PLXNA2: variants seen among roughly 807,000 people sequenced by gnomAD.
PLXNA2 encodes plexin-A2.
In PLXNA2, 91 loss-of-function variants were observed where a neutral mutation model predicts 193.5. That is an observed-to-expected ratio of 0.47 (90% confidence interval 0.40 to 0.56). The LOEUF is 0.56. Among genes scored for constraint, PLXNA2 ranks in the 20% least tolerant of loss-of-function variants. The pLI is 0.00. For synonymous variants in PLXNA2, 997 were observed against 1,027.3 expected (o/e 0.97, Z 0.56); for missense variants, 1,995 against 2,503.2 (o/e 0.80, Z 4.33).
At chr1:208,174,108 G>C (rs1475688765) in intron 3 of PLXNA2, among the ~76,000 whole-genome samples, 1 of 152,250 alleles carries the variant, frequency 6.6e-6, no homozygotes, top group Non-Finnish European at 1.5e-5. Flanking sequence ...TTGGATCAGA[G>C]GTAGAATCTC....
At chr1:208,220,433 GTTA>G (rs1165066587) in intron 1 of PLXNA2, among the ~76,000 whole-genome samples, 2 of 151,750 alleles carry the variant, frequency 1.3e-5, no homozygotes, top group African/African-American at 4.8e-5. Context: ...GTTAGTTTTT[GTTA>G]TTATTATTAT....
chr1:208,184,489 C>T (rs1669938023), intron 3 of PLXNA2, among the ~76,000 whole-genome samples: 1 of 151,314 alleles, frequency 6.6e-6, no homozygotes, highest in Non-Finnish European at 1.5e-5. Context: ...GGTGTCATTA[C>T]CCTGACTTAC....
Position 208,094,435 on chromosome 1 carries a change from C to CT in PLXNA2, c.1983-1536dup, listed in dbSNP as rs60278693. Reference sequence around the variant, plus strand: ...GAATCTTTGCTGTCAAGGAGACCTGCTTTTTTTTTTTCTGTTAAAACTTGC... The same window carrying CT: ...GAATCTTTGCTGTCAAGGAGACCTGCTTTTTTTTTTTTCTGTTAAAACTTGC... On this transcript the variant is annotated intron_variant, in intron 8 of 31. Transcript: ENST00000367033. Among the ~76,000 whole-genome samples the CT allele has an allele frequency of 4.1e-4, 60 of 147,188 alleles. No homozygotes were observed. The Middle Eastern group carries it at 0.011, about 26-fold the overall frequency.
At position 208,031,734 on chromosome 1, in the gene PLXNA2, T is replaced by G. The variant is rs773411215; in HGVS notation, c.5081A>C (p.Asp1694Ala). The G allele has an allele frequency of 2.5e-6, 4 of 1,606,648 alleles. No individual in the cohort carries two copies. ...AGTGCTGAACAAGGTCTCAAACAAG[T>G]CGTCCACAAACTTCTGCAGGGTGCC... ...TKGTLQKFVD[D>A]LFETLFSTVH... is the part of the protein sequence containing the mutation. Residue 1694 changes from aspartate to alanine, a missense_variant, in exon 29 of 32, where the codon GAC becomes GCC. By Grantham distance (126) the Asp-to-Ala change is moderately radical. Around this residue, in one of 3 missense-constraint regions of PLXNA2, gnomAD observed 1,291 missense variants for 1,673.6 expected, o/e 0.77. Coordinates refer to ENST00000367033, the MANE Select transcript of PLXNA2 (RefSeq NM_025179.4).
In PLXNA2 at chr1:208,051,329, C is replaced by T. The variant is rs1175753605; in HGVS notation, c.3088G>A (p.Asp1030Asn). 6.2e-7 allele frequency: 1 copy of T among 1,613,894 alleles called. No individual in the cohort carries two copies. The highest frequency in any genetic ancestry group is 1.3e-5 in the African/African-American group (1 of 75,024). ...ATGTACTCAAACTGCAGGTTGCTAT[C>T]CACATGGGCTCGGTCGACACTCACA... Reference protein sequence around the residue: ...VSVSVDRAHVDSNLQFEYIDD... With the variant: ...VSVSVDRAHVNSNLQFEYIDD... The change falls in exon 16 of 32, where the codon GAT becomes AAT. Residue 1030 changes from aspartate to asparagine, a missense_variant. This residue lies in a region of PLXNA2 where 1,291 missense variants were observed against 1,673.6 expected (regional missense o/e 0.77). Transcript: ENST00000367033.
At chr1:208,222,145 A>G (rs1031416397) in intron 1 of PLXNA2, among the ~76,000 whole-genome samples, 1 of 152,190 alleles carries the variant, frequency 6.6e-6, no homozygotes, top group African/African-American at 2.4e-5. Flanking sequence ...TCAGTTTGGT[A>G]GACACTGGTA....
rs1362824425 is a variant in PLXNA2 at position 208,082,313 on chromosome 1, T to G, written c.2395+99A>C. 3 of 883,978 alleles carry G rather than the reference T, an allele frequency of 3.4e-6. No individual in the cohort carries two copies. The highest frequency in any genetic ancestry group is 4.0e-5 in the Admixed American group (2 of 50,310). 54.8% of individuals were successfully genotyped at this position (883,978 alleles called of 1,614,324 possible). On this transcript the variant is annotated intron_variant, in intron 11 of 31. Coordinates refer to ENST00000367033, the MANE Select transcript of PLXNA2 (RefSeq NM_025179.4). The surrounding 1 kb of genome is among the most constrained non-coding windows in gnomAD (Gnocchi z 4.2). ...AGTTCCGCCGACAGAGGGAGTGTAT[T>G]ATTCATGGCACAGCGGCTGGCTGGC...
At chr1:208,174,769 T>C (rs1351911681) in intron 3 of PLXNA2, among the ~76,000 whole-genome samples, 1 of 152,174 alleles carries the variant, frequency 6.6e-6, no homozygotes, top group African/African-American at 2.4e-5. Flanking sequence ...ACACTAGCCC[T>C]TAGGCCTTCT....
chr1:208,039,546 T>G lies in PLXNA2; in HGVS notation c.4500+75A>C, dbSNP rs548982196. ...CTCTTTATTGACCCCCTAGACTGCTTTTATGGACAGAAGGCAGAGCAAGGG... is the reference window on the plus strand; with the variant it reads ...CTCTTTATTGACCCCCTAGACTGCTGTTATGGACAGAAGGCAGAGCAAGGG... On this transcript the variant is annotated intron_variant, in intron 24 of 31. Coordinates refer to ENST00000367033, the MANE Select transcript of PLXNA2 (RefSeq NM_025179.4). 4.1e-5 allele frequency: 65 copies of G among 1,590,808 alleles called. No homozygotes were observed. The African/African-American group carries it at 7.2e-4, about 18-fold the overall frequency.
intron 13 of PLXNA2, among the ~76,000 whole-genome samples, chr1:208,059,610 G>C (rs1012611639): frequency 1.3e-5 from 2 of 152,140 alleles, no homozygotes; most frequent in African/African-American, 4.8e-5. Context: ...CTGCATTAGG[G>C]GTCAGGAGAC....
At chr1:208,050,645 C>A (rs945145616) in intron 17 of PLXNA2, among the ~76,000 whole-genome samples, 11 of 152,054 alleles carry the variant, frequency 7.2e-5, no homozygotes, top group African/African-American at 2.2e-4. Flanking sequence ...CCAGCCTGGG[C>A]AAAAGAGAGA....
Position 208,233,333 on chromosome 1 carries a change from T to G in PLXNA2, c.-81+10310A>C, listed in dbSNP as rs577588630. On this transcript the variant is annotated intron_variant, in intron 1 of 31. Coordinates refer to ENST00000367033, the MANE Select transcript of PLXNA2 (RefSeq NM_025179.4). ...TAAAATTTCTTGCAAGGAACGTATCTTTTTTTCTTCTCCCAGGTGAAGCTT... is the reference window on the plus strand; with the variant it reads ...TAAAATTTCTTGCAAGGAACGTATCGTTTTTTCTTCTCCCAGGTGAAGCTT... 2.7e-3 allele frequency among the ~76,000 whole-genome samples: 416 copies of G among 152,316 alleles called. 1 individual carries two copies. Among genetic ancestry groups the G allele is most frequent in the South Asian group, 6.0e-3 (29 of 4,824 alleles).
At chr1:208,117,511 C>T (rs1019378923) in intron 4 of PLXNA2, among the ~76,000 whole-genome samples, 1 of 152,324 alleles carries the variant, frequency 6.6e-6, no homozygotes, top group East Asian at 1.9e-4. Flanking sequence ...GGTGCTGTGA[C>T]CCCACTGCGG....
chr1:208,183,544 G>A (rs568484084), intron 3 of PLXNA2, among the ~76,000 whole-genome samples: 7 of 145,568 alleles, frequency 4.8e-5, no homozygotes, highest in African/African-American at 1.3e-4. Flanking sequence ...ACCATTCTGC[G>A]CAGCGTCCCC....
Position 208,026,298 on chromosome 1 carries a change from C to T in PLXNA2, c.*945G>A, listed in dbSNP as rs1002862295. The T allele has an allele frequency of 1.8e-4, 27 of 152,200 alleles. No individual in the cohort carries two copies. The highest frequency in any genetic ancestry group is 6.5e-4 in the African/African-American group (27 of 41,436). 9.4% of individuals were successfully genotyped at this position (152,200 alleles called of 1,614,324 possible). On this transcript the variant is annotated 3_prime_UTR_variant, in exon 32 of 32. Transcript: ENST00000367033. ...TGTCTGGTCTGGGAGAGGCCCACCT[C>T]ACCCCACTTCTCATAGTAACTTTAG...
At position 208,142,444 on chromosome 1, in the gene PLXNA2, G is replaced by C. The variant is rs778762105; in HGVS notation, c.1391C>G (p.Pro464Arg). The stretch of plus-strand genomic sequence containing the variant: ...CATCTCGTACTGGACCCCACCATGG[G>C]GGGGACCGTCGGCCCGAATCTGTAT... ...KLKKIRADGPPHGGVQYEMVS... is the reference protein window; with the variant it reads ...KLKKIRADGPRHGGVQYEMVS... Residue 464 changes from proline (P) to arginine (R), a missense_variant, in exon 4 of 32, where the codon CCC becomes CGC. Physicochemically the swap from Pro to Arg is moderately radical, Grantham distance 103 (BLOSUM62 -2). Around this residue, in one of 3 missense-constraint regions of PLXNA2, gnomAD observed 702 missense variants for 812.9 expected, o/e 0.86. Transcript: ENST00000367033. 7 of 1,610,930 alleles carry C rather than the reference G, an allele frequency of 4.3e-6. No individual in the cohort carries two copies. In the Admixed American group the frequency reaches 6.8e-5, roughly 16 times the overall value.
chr1:208,165,835 G>A (rs1367199100), intron 3 of PLXNA2, among the ~76,000 whole-genome samples: 1 of 152,042 alleles, frequency 6.6e-6, no homozygotes, highest in African/African-American at 2.4e-5. Flanking sequence ...AGGACATCTG[G>A]GTCTCATTTT....
At position 208,236,769 on chromosome 1, in the gene PLXNA2, C is replaced by G. The variant is rs577460996; in HGVS notation, c.-81+6874G>C. Among the ~76,000 whole-genome samples the G allele has an allele frequency of 6.6e-6, 1 of 152,328 alleles. No individual in the cohort carries two copies. Among genetic ancestry groups the G allele is most frequent in the African/African-American group, 2.4e-5 (1 of 41,582 alleles). The stretch of plus-strand genomic sequence containing the variant: ...TAGGAAAGGCTCTAGAGACTGGAAT[C>G]TAGTGGTTCTTTACATTGTGGAGGG... On this transcript the variant is annotated intron_variant, in intron 1 of 31. Transcript: ENST00000367033. This position sits in a 1 kb window ranked among gnomAD's most constrained non-coding sequence, Gnocchi z 4.4.
intron 3 of PLXNA2, among the ~76,000 whole-genome samples, chr1:208,169,836 G>GA (rs113285825): frequency 0.024 from 3,516 of 143,884 alleles, 131 homozygotes; most frequent in African/African-American, 0.08. Flanking sequence ...TTTATAAAAT[G>GA]AAAAAAAAAA....
Sources: gnomAD v4.1 joint callset for allele counts (sites outside exome capture counted in the v4.1 genomes callset) on GRCh38, gnomAD v4.1.1 for gene constraint, gnomAD v4.1.1 regional missense constraint, Gnocchi (gnomAD v3.1) non-coding constraint, MANE v1.5 for transcripts, NCBI Gene and HGNC (gene_info 2026-07-23, HGNC 2026-07-21) for gene names.